The following NEB variants were observed in gnomAD, a reference collection of about 807,000 sequenced individuals.
NEB encodes nebulin.
NEB carries 512 observed loss-of-function variants against 952.2 expected under a neutral mutation model. The observed-to-expected ratio is 0.54, with a 90% CI of 0.50 to 0.58. NEB has a LOEUF of 0.58. Ranked by LOEUF, NEB falls within the 20% of genes least tolerant of loss-of-function variation. The probability of loss-of-function intolerance (pLI) is 0.00; values close to 1 mark genes in which losing one functional copy is unlikely to be tolerated. For synonymous variants in NEB, 2,900 were observed against 3,149.8 expected, an observed-to-expected ratio of 0.92 and a Z score of 2.66; for missense variants, 8,428 against 9,231.1, an observed-to-expected ratio of 0.91 and a Z score of 3.56.
intron 124 of NEB, among the ~76,000 whole-genome samples, chr2:151,557,975 C>G (rs2095779156): frequency 6.6e-6 from 1 of 152,204 alleles, no homozygotes; most frequent in Non-Finnish European, 1.5e-5. Context: ...GGGATGCCCT[C>G]TCTCACCACT....
chr2:151,630,993 A>G, intron 66 of NEB, 150 bp downstream of exon 66: 1 of 1,259,980 alleles, frequency 7.9e-7, no homozygotes, highest in Non-Finnish European at 1.1e-6. Context: ...AACTTGGAAT[A>G]ATCAAAATTA....
chr2:151,687,426 T>C lies in NEB; in HGVS notation c.2630A>G (p.Gln877Arg), dbSNP rs373892420. The change falls in exon 27 of 182, where the codon CAG (glutamine) becomes CGG (arginine). Residue 877 changes from glutamine (Q) to arginine (R), a missense_variant. Coordinates refer to ENST00000397345, the MANE Select transcript of NEB (RefSeq NM_001164508.2). ...ATTCACAAAGACACTCACATCACTC[T>C]GGTTTTTGGCTGTCTTCAAGGAGTG... is the stretch of plus-strand genomic sequence containing the variant. ...MLHSLKTAKN[Q>R]SDREYRKDYE... The C allele has an allele frequency of 3.4e-5, 54 of 1,611,698 alleles. No homozygotes were observed. In the African/African-American group the frequency reaches 6.9e-4, roughly 21 times the overall value.
In NEB at chr2:151,497,912, G is replaced by T. The variant is rs2061390020; in HGVS notation, c.24208-194C>A. 15 of 1,473,162 alleles carry T rather than the reference G, an allele frequency of 1.0e-5. No individual in the cohort carries two copies. The South Asian group carries it at 2.0e-4, about 19-fold the overall frequency. 91.3% of individuals were successfully genotyped at this position (1,473,162 alleles called of 1,614,324 possible). ...ACCCTCTAGAGAAGCAGGGACTTCA[G>T]CTGCTGAGGAAGGGCTGTCAGAGTT... On this transcript the variant is annotated intron_variant, in intron 170 of 181. Transcript: ENST00000397345.
chr2:151,570,074 C>T lies in NEB; in HGVS notation c.17430+7G>A, dbSNP rs1578003936. ...AAAGAGTTCAACCCCAAATGCAGCC[C>T]ACTCACATCGCTCTGCAGTTCGTAG... is the stretch of plus-strand genomic sequence containing the variant. On this transcript the variant is annotated splice_region_variant and intron_variant, in intron 109 of 181. Transcript: ENST00000397345. The T allele has an allele frequency of 6.3e-7, 1 of 1,599,544 alleles. No homozygotes were observed. Among genetic ancestry groups the T allele is most frequent in the Non-Finnish European group, 8.5e-7 (1 of 1,172,754 alleles).
chr2:151,567,324 G>A lies in NEB; in HGVS notation c.18000C>T (p.Ile6000=). ...CTGACACCATATCAGCAGGTATATT[G>A]ATTTTGGCCTTTGTTTTGTGATAGT... ...KEDYHKTKAK[I]NIPADMVSVL... is the part of the protein sequence containing the mutation. The change falls in exon 114 of 182, where the codon ATC becomes ATT. Residue 6000 remains isoleucine (I), a synonymous_variant. Transcript: ENST00000397345. 1 of 1,613,880 alleles carries A rather than the reference G, an allele frequency of 6.2e-7. No individual in the cohort carries two copies. The highest frequency in any genetic ancestry group is 8.5e-7 in the Non-Finnish European group (1 of 1,179,852).
intron 132 of NEB, 26 bp downstream of exon 132, chr2:151,547,608 C>T: frequency 6.2e-7 from 1 of 1,609,176 alleles, no homozygotes; most frequent in African/African-American, 1.3e-5. Context: ...GTCTCTACTC[C>T]CTGTCTTTCC....
intron 70 of NEB, 21 bp from the exon 71 acceptor site, chr2:151,625,659 A>C (rs771050728): frequency 6.6e-7 from 1 of 1,504,110 alleles, no homozygotes; most frequent in Non-Finnish European, 9.0e-7. Flanking sequence ...TAAAAAGGTT[A>C]ATGAATTAGA....
At position 151,666,157 on chromosome 2, in the gene NEB, T is replaced by C. The variant is rs2099214775; in HGVS notation, c.4964A>G (p.His1655Arg). The change falls in exon 41 of 182, where the codon CAC becomes CGC. Residue 1655 changes from histidine (H) to arginine (R), a missense_variant. This residue lies in a region of NEB where 2,851 missense variants were observed against 2,791.5 expected (regional missense o/e 1.02). Transcript: ENST00000397345. ...CAAGGCATCGGGCAGGAGAGTGTAG[T>C]GGTGGTATGACTGTCTGTAGTTGGC... Reference protein sequence around the residue: ...TNANYRQSYHHYTLLPDALNV... With the variant: ...TNANYRQSYHRYTLLPDALNV... 5 of 1,613,898 alleles carry C rather than the reference T, an allele frequency of 3.1e-6. No individual in the cohort carries two copies. The South Asian group carries it at 4.4e-5, about 14-fold the overall frequency.
At position 151,687,609 on chromosome 2, in the gene NEB, C is replaced by A; in HGVS notation, c.2523+17G>T. 1 of 1,613,530 alleles carries A rather than the reference C, an allele frequency of 6.2e-7. No individual in the cohort carries two copies. The highest frequency in any genetic ancestry group is 8.5e-7 in the Non-Finnish European group (1 of 1,179,592). ...GGCCACCCTGTCCAGGTCCCCAGGT[C>A]CCCAGGCCACACTCACATCGCTGGT... On this transcript the variant is annotated intron_variant, in intron 26 of 181. Coordinates refer to ENST00000397345, the MANE Select transcript of NEB (RefSeq NM_001164508.2).
chr2:151,552,991 G>T (rs945728716), intron 127 of NEB, among the ~76,000 whole-genome samples: 11 of 152,274 alleles, frequency 7.2e-5, no homozygotes, highest in African/African-American at 2.4e-4. Flanking sequence ...ACTCTTCTAG[G>T]AAAGTTTAAG....
At position 151,499,279 on chromosome 2, in the gene NEB, AT is replaced by A; in HGVS notation, c.24114+18del. 1 of 1,266,734 alleles carries A rather than the reference AT, an allele frequency of 7.9e-7. No homozygotes were observed. 78.5% of individuals were successfully genotyped at this position (1,266,734 alleles called of 1,614,324 possible). A position where few individuals can be genotyped will look rare whatever the true frequency, so the allele number is the denominator to read the frequency against. On this transcript the variant is annotated intron_variant, in intron 169 of 181. Transcript: ENST00000397345. ...AACATTTTTTTAAATAATTAAAGGG[AT>A]TTTTTATTTTTAAATACCGAACTAA...
intron 29 of NEB, 38 bp downstream of exon 29, chr2:151,682,624 A>G (rs762539443): frequency 6.7e-7 from 1 of 1,496,082 alleles, no homozygotes; most frequent in Non-Finnish European, 9.3e-7. Context: ...AACACAACAC[A>G]GTCACCACTC....
chr2:151,704,940 T>A (rs1309803586), intron 13 of NEB, among the ~76,000 whole-genome samples: 1 of 152,210 alleles, frequency 6.6e-6, no homozygotes, highest in African/African-American at 2.4e-5. Flanking sequence ...ACGTCCTTAG[T>A]AGCAGAGATT....
Position 151,505,564 on chromosome 2 carries a change from A to G in NEB, c.23656T>C (p.Tyr7886His). 1 of 1,612,480 alleles carries G rather than the reference A, an allele frequency of 6.2e-7. No individual in the cohort carries two copies. Among genetic ancestry groups the G allele is most frequent in the South Asian group, 1.1e-5 (1 of 91,052 alleles). Residue 7886 changes from tyrosine (Y) to histidine (H), a missense_variant, in exon 165 of 182, where the codon TAT (tyrosine) becomes CAT (histidine). Coordinates refer to ENST00000397345, the MANE Select transcript of NEB (RefSeq NM_001164508.2). ...GTTCCTTGTCCTATTGCTTCCTTAT[A>G]CTTCACCTGCAGATTTAAAAATGGG... ...QTQDHISSVK[Y>H]KEAIGQGTPI...
rs776667734 is a variant in NEB, at chr2:151,627,047, A to G, written c.10302T>C (p.Ser3434=). 3 of 1,613,860 alleles carry G rather than the reference A, an allele frequency of 1.9e-6. No homozygotes were observed. Among genetic ancestry groups the G allele is most frequent in the African/African-American group, 1.3e-5 (1 of 74,914 alleles). The change falls in exon 70 of 182, where the codon TCT becomes TCC. Residue 3434 remains serine (S), a synonymous_variant. Coordinates refer to ENST00000397345, the MANE Select transcript of NEB (RefSeq NM_001164508.2). ...TGTTCTTGGCCAGCACCTGCTCTAG[A>G]GAGTCAGTCACACTGGTAAATTTCA... ...DKLKFTSVTD[S]LEQVLAKNNA...
At position 151,546,484 on chromosome 2, in the gene NEB, T is replaced by G. The variant is rs774806549; in HGVS notation, c.20368-41A>C. On this transcript the variant is annotated intron_variant, in intron 133 of 181. Transcript: ENST00000397345. ...AGAAATATAGCTGGTCATAAGCAAA[T>G]GTAAGTCAGGAAACACAAAAGATGG... 3 of 1,325,794 alleles carry G rather than the reference T, an allele frequency of 2.3e-6. No homozygotes were observed. In the East Asian group the frequency reaches 6.9e-5, roughly 31 times the overall value. 82.1% of individuals were successfully genotyped at this position (1,325,794 alleles called of 1,614,324 possible).
intron 107 of NEB, among the ~76,000 whole-genome samples, chr2:151,574,195 C>T (rs2096749615): frequency 6.6e-6 from 1 of 152,164 alleles, no homozygotes; most frequent in Non-Finnish European, 1.5e-5. Context: ...AGGATGGTCT[C>T]GATCTCCTGA....
chr2:151,663,513 A>T (rs12620077), intron 45 of NEB, 35 bp downstream of exon 45: 1 of 1,560,570 alleles, frequency 6.4e-7, no homozygotes, highest in Non-Finnish European at 8.7e-7. Context: ...CTTATTATCC[A>T]GAGTAAACGC....
intron 130 of NEB, among the ~76,000 whole-genome samples, chr2:151,549,061 G>A (rs2095060126): frequency 6.6e-6 from 1 of 152,152 alleles, no homozygotes; most frequent in African/African-American, 2.4e-5. Flanking sequence ...TGTGAAAAGT[G>A]GAGAAGGGCA....
Sources: allele counts gnomAD v4.1 joint callset (sites outside exome capture counted in the v4.1 genomes callset), GRCh38; gene constraint gnomAD v4.1.1; regional missense constraint gnomAD v4.1.1; transcripts MANE v1.5; gene names NCBI Gene and HGNC (gene_info 2026-07-23, HGNC 2026-07-21).